NRXN1: variants seen among roughly 807,000 people sequenced by gnomAD.
NRXN1 encodes neurexin 1.
In NRXN1, 39 loss-of-function variants were observed where a neutral mutation model predicts 150.9. That is an observed-to-expected ratio of 0.26 (90% CI 0.20 to 0.34). The LOEUF is 0.34. NRXN1 is among the 10% of genes least tolerant of loss of function. NRXN1 has a pLI of 1.00. For missense variants in NRXN1, 1,815 were observed against 1,949.9 expected (o/e 0.93, Z 1.30); for synonymous variants, 924 against 757.0 (o/e 1.22, Z -3.62).
Position 50,686,537 on chromosome 2 carries a change from T to A in NRXN1, c.833-62922A>T, listed in dbSNP as rs183894670. On this transcript the variant is annotated intron_variant, in intron 5 of 22. Coordinates refer to ENST00000401669, the MANE Select transcript of NRXN1 (RefSeq NM_001330078.2). ...TGCCCATCTGCAAAAACACTACTGC[T>A]TGTCTTCTTTAATAAATGGAAGCAA... Among the ~76,000 whole-genome samples the A allele has an allele frequency of 7.2e-5, 11 of 152,326 alleles. No homozygotes were observed. The East Asian group carries it at 1.9e-3, about 27-fold the overall frequency.
In NRXN1 at chr2:50,300,908, C is replaced by A. The variant is rs186584378; in HGVS notation, c.3365-63938G>T. On this transcript the variant is annotated intron_variant, in intron 17 of 22. Transcript: ENST00000401669. Reference sequence around the variant, plus strand: ...AGGGGGTTTCACCATGTTGGCCAGGCTGGTCTCGAACTCCTGACCTCAGGT... The same window carrying A: ...AGGGGGTTTCACCATGTTGGCCAGGATGGTCTCGAACTCCTGACCTCAGGT... Among the ~76,000 whole-genome samples the A allele has an allele frequency of 2.0e-5, 3 of 152,226 alleles. No homozygotes were observed. In the East Asian group the frequency reaches 5.8e-4, roughly 30 times the overall value.
intron 18 of NRXN1, among the ~76,000 whole-genome samples, chr2:50,190,797 A>C (rs1207855122): frequency 1.3e-5 from 2 of 151,250 alleles, no homozygotes; most frequent in Non-Finnish European, 2.9e-5. Context: ...TTTTTAGTAG[A>C]GACGGGGTTT....
At chr2:50,772,333 T>C (rs2105456513) in intron 5 of NRXN1, among the ~76,000 whole-genome samples, 1 of 151,738 alleles carries the variant, frequency 6.6e-6, no homozygotes, top group East Asian at 1.9e-4. Flanking sequence ...AACAAAAAGT[T>C]TTCATTAAAT....
At chr2:50,144,494 A>G (rs1158354867) in intron 18 of NRXN1, among the ~76,000 whole-genome samples, 2 of 151,822 alleles carry the variant, frequency 1.3e-5, no homozygotes, top group Non-Finnish European at 1.5e-5. Context: ...CAGGGATTAT[A>G]AGGTCATCCC....
At chr2:50,465,692 T>C (rs1332507238) in intron 16 of NRXN1, 131 bp from the exon 17 acceptor site, 5 of 860,804 alleles carry the variant, frequency 5.8e-6, no homozygotes, top group Non-Finnish European at 6.8e-6. Flanking sequence ...AAAGTTCTAG[T>C]TCACACACCT....
chr2:50,170,612 C>T (rs190513699), intron 18 of NRXN1, among the ~76,000 whole-genome samples: 1 of 152,074 alleles, frequency 6.6e-6, no homozygotes, highest in East Asian at 1.9e-4. Flanking sequence ...TAGAGCTGGG[C>T]TCTAATCATC....
rs2093097991 is a variant in NRXN1, at chr2:50,531,279, G to A, written c.2295C>T (p.Asp765=). Residue 765 remains aspartate, a synonymous_variant, in exon 11 of 23, where the codon GAC becomes GAT. Transcript: ENST00000401669. ...LMATTSRDSA[D]TLRLELDAGR... ...CTGCGTCTAGCTCCAGGCGGAGGGTGTCAGCAGAGTCTCTAGAAGTGGTTG... is the reference window on the plus strand; with the variant it reads ...CTGCGTCTAGCTCCAGGCGGAGGGTATCAGCAGAGTCTCTAGAAGTGGTTG... 6.2e-7 allele frequency: 1 copy of A among 1,613,458 alleles called. No homozygotes were observed. Among genetic ancestry groups the A allele is most frequent in the African/African-American group, 1.3e-5 (1 of 74,908 alleles).
chr2:50,782,600 A>C (rs1297121193), intron 5 of NRXN1, among the ~76,000 whole-genome samples: 1 of 152,214 alleles, frequency 6.6e-6, no homozygotes, highest in Non-Finnish European at 1.5e-5. Flanking sequence ...AAATAAGAAA[A>C]AAGAAAAAAG....
intron 18 of NRXN1, among the ~76,000 whole-genome samples, chr2:50,119,776 T>C (rs1204436594): frequency 1.3e-5 from 2 of 152,180 alleles, no homozygotes; most frequent in African/African-American, 4.8e-5. Flanking sequence ...ACACCTAAAC[T>C]ATCTGTTTTA....
intron 13 of NRXN1, among the ~76,000 whole-genome samples, chr2:50,503,559 G>C (rs2092064482): frequency 1.7e-5 from 1 of 59,810 alleles, no homozygotes. Context: ...GAAATGAAAA[G>C]AAAGAAAAAT....
chr2:49,950,507 A>C (rs976036562), intron 21 of NRXN1, among the ~76,000 whole-genome samples: 1 of 152,032 alleles, frequency 6.6e-6, no homozygotes, highest in Non-Finnish European at 1.5e-5. Flanking sequence ...TCTGATAGGC[A>C]TAAAATATTC....
chr2:51,004,259 T>G (rs1278645905), intron 2 of NRXN1, among the ~76,000 whole-genome samples: 1 of 151,886 alleles, frequency 6.6e-6, no homozygotes, highest in Non-Finnish European at 1.5e-5. Context: ...ATAAACAGAT[T>G]CTGGGTGAGA....
chr2:50,496,346 C>T (rs2091619050), intron 14 of NRXN1, among the ~76,000 whole-genome samples: 1 of 152,168 alleles, frequency 6.6e-6, no homozygotes, highest in Admixed American at 6.5e-5. Flanking sequence ...CTACATTTAA[C>T]TTTATGAATT....
intron 16 of NRXN1, among the ~76,000 whole-genome samples, chr2:50,470,200 G>A (rs1054917402): frequency 1.3e-5 from 2 of 151,460 alleles, no homozygotes; most frequent in Non-Finnish European, 3.0e-5. Context: ...ATAAAATAAA[G>A]GTACACATTC....
intron 19 of NRXN1, among the ~76,000 whole-genome samples, chr2:50,073,013 G>A (rs1696533473): frequency 6.6e-6 from 1 of 152,138 alleles, no homozygotes; most frequent in Non-Finnish European, 1.5e-5. Context: ...AAAGGGAGTG[G>A]ACAAACTTTG....
At chr2:50,446,335 C>T (rs897385417) in intron 17 of NRXN1, among the ~76,000 whole-genome samples, 1 of 151,678 alleles carries the variant, frequency 6.6e-6, no homozygotes, top group African/African-American at 2.4e-5. Flanking sequence ...ACTTCCTTCC[C>T]TCCTTCCCCC....
At chr2:49,929,089 C>T (rs893364449) in intron 22 of NRXN1, among the ~76,000 whole-genome samples, 1 of 152,138 alleles carries the variant, frequency 6.6e-6, no homozygotes, top group Admixed American at 6.5e-5. Context: ...GGGGCCACCA[C>T]TCTGATATTG....
chr2:50,464,984 A>G (rs747731234), intron 17 of NRXN1, among the ~76,000 whole-genome samples: 1 of 151,862 alleles, frequency 6.6e-6, no homozygotes, highest in Non-Finnish European at 1.5e-5. Flanking sequence ...ATGTTTGAAC[A>G]TATTTTTTTA....
intron 12 of NRXN1, among the ~76,000 whole-genome samples, chr2:50,518,147 A>T (rs977051575): frequency 2.0e-5 from 3 of 152,120 alleles, no homozygotes; most frequent in African/African-American, 7.2e-5. Flanking sequence ...TTACTTTTTA[A>T]GAAGAGAATT....
Sources: allele counts gnomAD v4.1 joint callset (sites outside exome capture counted in the v4.1 genomes callset), GRCh38; gene constraint gnomAD v4.1.1; transcripts MANE v1.5; gene names NCBI Gene and HGNC (gene_info 2026-07-23, HGNC 2026-07-21).